The following KCNG4 variants were observed in gnomAD, a reference collection of about 807,000 sequenced individuals.
KCNG4 encodes voltage-gated potassium channel regulatory subunit KCNG4.
Under a neutral mutation model 28.2 loss-of-function variants are expected in KCNG4, and 30 were observed. The observed-to-expected ratio is 1.06, with a 90% confidence interval of 0.80 to 1.44. KCNG4 has a LOEUF of 1.44. KCNG4 is among the 40% of genes most tolerant of loss of function. KCNG4 has a pLI of 0.00. For missense variants in KCNG4, 879 were observed against 712.3 expected (o/e 1.23, Z -2.66); for synonymous variants, 375 against 315.5 (o/e 1.19, Z -2.00).
chr16:84,234,378 C>T (rs925314452), intron 2 of KCNG4, among the ~76,000 whole-genome samples: 5 of 151,954 alleles, frequency 3.3e-5, no homozygotes, highest in African/African-American at 9.7e-5. Flanking sequence ...GGAGTTTTAC[C>T]GTGTTGGCCA....
rs1904538375 is a variant in KCNG4, at chr16:84,220,763, A to G, written c.*1454T>C. 6.6e-6 allele frequency: 1 copy of G among 152,260 alleles called. No individual in the cohort carries two copies. Among genetic ancestry groups the G allele is most frequent in the African/African-American group, 2.4e-5 (1 of 41,452 alleles). 9.4% of individuals were successfully genotyped at this position (152,260 alleles called of 1,614,324 possible). The stretch of plus-strand genomic sequence containing the variant: ...CTGGGAGAAGCCAGGATTTGACAGA[A>G]TCTTGCAGGATTAAGCCCGTGAAGG... On this transcript the variant is annotated 3_prime_UTR_variant, in exon 3 of 3. Coordinates refer to ENST00000308251, the MANE Select transcript of KCNG4 (RefSeq NM_172347.3).
intron 2 of KCNG4, chr16:84,236,460 A>G: frequency 2.0e-6 from 1 of 508,300 alleles, no homozygotes; most frequent in East Asian, 3.2e-5. Flanking sequence ...TGTGTGGCCC[A>G]CTGAGTCCAC....
Position 84,236,864 on chromosome 16 carries a change from G to A in KCNG4, c.622C>T (p.Arg208Cys), listed in dbSNP as rs779913383. The part of the protein sequence containing the change: ...SRWGLCMNRL[R>C]EMVENPQSGL... ...GACTGCGGGTTTTCCACCATCTCGC[G>A]CAGCCGGTTCATGCACAGGCCCCAG... The change falls in exon 2 of 3, where the codon CGC becomes TGC. Residue 208 changes from arginine (R) to cysteine (C), a missense_variant. Physicochemically the swap from Arg to Cys is radical, Grantham distance 180. Transcript: ENST00000308251. The A allele has an allele frequency of 8.1e-6, 13 of 1,613,360 alleles. No homozygotes were observed. Among genetic ancestry groups the A allele is most frequent in the Admixed American group, 3.3e-5 (2 of 60,004 alleles).
Position 84,236,978 on chromosome 16 carries a change from C to T in KCNG4, c.508G>A (p.Glu170Lys). The change falls in exon 2 of 3, where the codon GAG becomes AAG. Residue 170 changes from glutamate to lysine, a missense_variant. Transcript: ENST00000308251. ...AGCTTGGCCAGCTCCTCCAGCTCCT[C>T]CAGCTTCCTCAGCAGCTTCCGCAGG... Reference protein sequence around the residue: ...CCLRKLLRKLEELEELAKLHR... With the variant: ...CCLRKLLRKLKELEELAKLHR... 1 of 1,613,764 alleles carries T rather than the reference C, an allele frequency of 6.2e-7. No homozygotes were observed. Among genetic ancestry groups the T allele is most frequent in the Non-Finnish European group, 8.5e-7 (1 of 1,180,000 alleles).
At chr16:84,237,792 G>A (rs1038300992) in intron 1 of KCNG4, among the ~76,000 whole-genome samples, 1 of 152,152 alleles carries the variant, frequency 6.6e-6, no homozygotes, top group Non-Finnish European at 1.5e-5. Context: ...GCACGGATGG[G>A]GGCTTGAGTA....
chr16:84,237,261 G>A lies in KCNG4; in HGVS notation c.225C>T (p.Ser75=). 2.5e-6 allele frequency: 4 copies of A among 1,612,672 alleles called. No individual in the cohort carries two copies. The highest frequency in any genetic ancestry group is 3.4e-6 in the Non-Finnish European group (4 of 1,179,028). Residue 75 remains serine, a synonymous_variant, in exon 2 of 3, where the codon AGC becomes AGT. Coordinates refer to ENST00000308251, the MANE Select transcript of KCNG4 (RefSeq NM_172347.3). Reference sequence around the variant, plus strand: ...GGCTCAGCGGGAACCGGTCCAGTGTGCTCCAGGGGAGGAGATACCTCCTGC... The same window carrying A: ...GGCTCAGCGGGAACCGGTCCAGTGTACTCCAGGGGAGGAGATACCTCCTGC... ...VGGRRYLLPW[S]TLDRFPLSRL... is the part of the protein sequence containing the mutation.
intron 1 of KCNG4, 125 bp from the exon 2 acceptor site, chr16:84,237,650 G>T: frequency 1.8e-6 from 1 of 561,930 alleles, no homozygotes; most frequent in Non-Finnish European, 2.8e-6. Flanking sequence ...TGCATGGCTT[G>T]TTCTTTTAAC....
In KCNG4 at chr16:84,236,831, G is replaced by A. The variant is rs1215773202; in HGVS notation, c.655C>T (p.Pro219Ser). The A allele has an allele frequency of 6.2e-7, 1 of 1,613,602 alleles. No homozygotes were observed. Among genetic ancestry groups the A allele is most frequent in the Non-Finnish European group, 8.5e-7 (1 of 1,180,024 alleles). ...GAGAGGCAAGCGAAGACCTTCCCGG[G>A]CAGCCCGGACTGCGGGTTTTCCACC... ...EMVENPQSGL[P>S]GKVFACLSIL... The change falls in exon 2 of 3, where the codon CCC (proline) becomes TCC (serine). Residue 219 changes from proline (P) to serine (S), a missense_variant. Coordinates refer to ENST00000308251, the MANE Select transcript of KCNG4 (RefSeq NM_172347.3).
intron 1 of KCNG4, among the ~76,000 whole-genome samples, chr16:84,238,242 C>T (rs60715181): frequency 0.035 from 5,312 of 152,256 alleles, 216 homozygotes; most frequent in East Asian, 0.16. Flanking sequence ...GGCTGACGCA[C>T]GGAAGGTTTG....
chr16:84,230,294 A>G (rs1440155608), intron 2 of KCNG4, among the ~76,000 whole-genome samples: 2 of 151,210 alleles, frequency 1.3e-5, no homozygotes, highest in Non-Finnish European at 2.9e-5. Context: ...AGTTCCAGCT[A>G]CTCGGGAGGC....
chr16:84,222,895 G>A lies in KCNG4; in HGVS notation c.882C>T (p.Pro294=). The change falls in exon 3 of 3, where the codon CCC becomes CCT. Residue 294 remains proline (P), a synonymous_variant. Transcript: ENST00000308251. ...AQDKCQFFQG[P]LNIIDILAIS... Reference sequence around the variant, plus strand: ...TGGCCAGGATGTCGATGATGTTCAGGGGCCCCTGGAAGAACTGACACTTGT... The same window carrying A: ...TGGCCAGGATGTCGATGATGTTCAGAGGCCCCTGGAAGAACTGACACTTGT... 3.7e-6 allele frequency: 6 copies of A among 1,611,896 alleles called. No individual in the cohort carries two copies. Among genetic ancestry groups the A allele is most frequent in the Non-Finnish European group, 5.1e-6 (6 of 1,178,484 alleles).
chr16:84,231,277 G>C (rs1036535913), intron 2 of KCNG4, among the ~76,000 whole-genome samples: 1 of 152,248 alleles, frequency 6.6e-6, no homozygotes, highest in Admixed American at 6.5e-5. Context: ...CAGAGCCAGG[G>C]AGTGGGAGAG....
intron 2 of KCNG4, among the ~76,000 whole-genome samples, chr16:84,233,805 G>C (rs949576683): frequency 6.6e-6 from 1 of 152,224 alleles, no homozygotes; most frequent in Admixed American, 6.5e-5. Flanking sequence ...AAAAGGAAAG[G>C]AAAGAAAGAT....
intron 2 of KCNG4, among the ~76,000 whole-genome samples, chr16:84,228,059 C>T (rs978520984): frequency 3.3e-5 from 5 of 152,176 alleles, no homozygotes; most frequent in African/African-American, 9.7e-5. Context: ...CTGGGGGAGG[C>T]AGGAAGTGGA....
rs771769246 is a variant in KCNG4 at position 84,236,876 on chromosome 16, T to C, written c.610A>G (p.Met204Val). ...ASHSSRWGLC[M>V]NRLREMVENP... is the part of the protein sequence containing the mutation. Reference sequence around the variant, plus strand: ...TCCACCATCTCGCGCAGCCGGTTCATGCACAGGCCCCAGCGCGAGGAGTGC... The same window carrying C: ...TCCACCATCTCGCGCAGCCGGTTCACGCACAGGCCCCAGCGCGAGGAGTGC... Residue 204 changes from methionine (M) to valine (V), a missense_variant, in exon 2 of 3, where the codon ATG becomes GTG. By Grantham distance (21) the Met-to-Val change is conservative. Transcript: ENST00000308251. 2.5e-6 allele frequency: 4 copies of C among 1,613,576 alleles called. No homozygotes were observed. The East Asian group carries it at 6.7e-5, about 27-fold the overall frequency.
At chr16:84,238,583 G>T (rs1342210156) in intron 1 of KCNG4, among the ~76,000 whole-genome samples, 1 of 152,240 alleles carries the variant, frequency 6.6e-6, no homozygotes, top group Non-Finnish European at 1.5e-5. Flanking sequence ...TGTGCAGAAT[G>T]AAGGGGCCTC....
intron 2 of KCNG4, among the ~76,000 whole-genome samples, chr16:84,234,699 A>G (rs1171366955): frequency 6.6e-6 from 1 of 152,168 alleles, no homozygotes; most frequent in East Asian, 1.9e-4. Context: ...TATCAGGGTC[A>G]ATTTACAGGA....
Position 84,222,609 on chromosome 16 carries a change from A to G in KCNG4, c.1168T>C (p.Tyr390His). The change falls in exon 3 of 3, where the codon TAC (tyrosine) becomes CAC (histidine). Residue 390 changes from tyrosine to histidine, a missense_variant. Tyr to His is a moderately conservative substitution (Grantham distance 83). Coordinates refer to ENST00000308251, the MANE Select transcript of KCNG4 (RefSeq NM_172347.3). ...CGCCCGGACTCCTTCTCGGCCACGT[A>G]GACCAAAGGGGAGAAGAGGGTGATG... ...VAITLFSPLV[Y>H]VAEKESGRVL... is the part of the protein sequence containing the mutation. The G allele has an allele frequency of 6.2e-7, 1 of 1,613,382 alleles. No homozygotes were observed. Among genetic ancestry groups the G allele is most frequent in the Non-Finnish European group, 8.5e-7 (1 of 1,179,982 alleles).
At position 84,222,453 on chromosome 16, in the gene KCNG4, C is replaced by T. The variant is rs139579879; in HGVS notation, c.1324G>A (p.Gly442Arg). Residue 442 changes from glycine (G) to arginine (R), a missense_variant, in exon 3 of 3, where the codon GGG (glycine) becomes AGG (arginine). Physicochemically the swap from Gly to Arg is moderately radical, Grantham distance 125. Transcript: ENST00000308251. ...GCCGGGAAGGCCATGATGAGGATCCCGCTCAGGATGCTGCTGAGGGCCACC... is the reference window on the plus strand; with the variant it reads ...GCCGGGAAGGCCATGATGAGGATCCTGCTCAGGATGCTGCTGAGGGCCACC... ...QMVALSSILS[G>R]ILIMAFPATS... 329 of 1,614,052 alleles carry T rather than the reference C, an allele frequency of 2.0e-4. 1 individual carries two copies. The African/African-American group carries it at 3.3e-3, about 16-fold the overall frequency.
Sources: allele counts gnomAD v4.1 joint callset (sites outside exome capture counted in the v4.1 genomes callset), GRCh38; gene constraint gnomAD v4.1.1; transcripts MANE v1.5; gene names NCBI Gene and HGNC (gene_info 2026-07-23, HGNC 2026-07-21).